Variants in SYT1 observed in about 807,000 individuals in gnomAD.
The protein encoded by SYT1 is synaptotagmin 1.
In SYT1, 8 loss-of-function variants were observed where a neutral mutation model predicts 44.8. The ratio of observed to expected loss-of-function variants is 0.18; its 90% CI spans 0.10 to 0.32. The LOEUF (loss-of-function observed/expected upper bound fraction) is 0.32. Ranked by LOEUF, SYT1 falls within the 10% of genes least tolerant of loss-of-function variation. SYT1 has a pLI of 1.00. For synonymous variants in SYT1, 154 were observed against 188.8 expected (o/e 0.82, Z 1.51); for missense variants, 286 against 509.3 (o/e 0.56, Z 4.22).
intron 1 of SYT1, among the ~76,000 whole-genome samples, chr12:78,949,406 T>C (rs778986845): frequency 6.6e-6 from 1 of 151,806 alleles, no homozygotes; most frequent in Non-Finnish European, 1.5e-5. Flanking sequence ...GAGTAAAATA[T>C]GTCTACTGGT....
chr12:79,248,377 G>T (rs1876978422), intron 4 of SYT1, among the ~76,000 whole-genome samples: 1 of 152,144 alleles, frequency 6.6e-6, no homozygotes, highest in African/African-American at 2.4e-5. Flanking sequence ...AACCTCTATT[G>T]TACCTGACAT....
chr12:79,047,029 A>G (rs1326959337), intron 2 of SYT1, among the ~76,000 whole-genome samples: 1 of 151,890 alleles, frequency 6.6e-6, no homozygotes, highest in Non-Finnish European at 1.5e-5. Flanking sequence ...TCAAATTAAA[A>G]CACTATAGAA....
chr12:79,377,025 A>G (rs1245103470), intron 9 of SYT1, among the ~76,000 whole-genome samples: 1 of 152,226 alleles, frequency 6.6e-6, no homozygotes, highest in African/African-American at 2.4e-5. Flanking sequence ...CATTCGTTCA[A>G]CAAGTATCTA....
chr12:78,876,686 T>C (rs759682865), intron 1 of SYT1, among the ~76,000 whole-genome samples: 1 of 123,932 alleles, frequency 8.1e-6, no homozygotes, highest in African/African-American at 3.0e-5. Flanking sequence ...TGTGTATATA[T>C]ACACACATGT....
chr12:79,300,792 TATATATATATATATATA>T (rs1880107021), intron 8 of SYT1, among the ~76,000 whole-genome samples: 2 of 74,890 alleles, frequency 2.7e-5, no homozygotes, highest in Non-Finnish European at 6.2e-5. Flanking sequence ...ATACTTATTA[TATATATATATATATATA>T]TATATATATA....
intron 8 of SYT1, among the ~76,000 whole-genome samples, chr12:79,314,987 G>A (rs11113670): frequency 0.38 from 57,203 of 151,954 alleles, 11,066 homozygotes; most frequent in East Asian, 0.58. Flanking sequence ...TAAGGTTAGG[G>A]TAGGAAATGG....
chr12:79,396,125 AG>A (rs1181913136), intron 9 of SYT1, among the ~76,000 whole-genome samples: 1 of 152,204 alleles, frequency 6.6e-6, no homozygotes, highest in African/African-American at 2.4e-5. Context: ...TGAGGTATTT[AG>A]TATGCTGACC....
intron 4 of SYT1, among the ~76,000 whole-genome samples, chr12:79,279,236 C>G (rs556457012): frequency 6.6e-6 from 1 of 151,880 alleles, no homozygotes; most frequent in Non-Finnish European, 1.5e-5. Flanking sequence ...AACATAGATG[C>G]AAAAATTCTC....
At chr12:79,402,165 G>A (rs1454121103) in intron 9 of SYT1, among the ~76,000 whole-genome samples, 5 of 152,058 alleles carry the variant, frequency 3.3e-5, no homozygotes, top group African/African-American at 4.8e-5. Context: ...TCCACCCATC[G>A]CAAGCTCAGA....
At chr12:79,011,310 A>G (rs1871390320) in intron 2 of SYT1, among the ~76,000 whole-genome samples, 1 of 152,196 alleles carries the variant, frequency 6.6e-6, no homozygotes, top group South Asian at 2.1e-4. Context: ...CCTTAAGTTT[A>G]CATACCAGCT....
chr12:79,028,424 G>A (rs545989662), intron 2 of SYT1, among the ~76,000 whole-genome samples: 3 of 151,490 alleles, frequency 2.0e-5, no homozygotes, highest in African/African-American at 7.2e-5. Context: ...TATTGATAGA[G>A]CTAAGTGCTA....
rs114385718 is a variant in SYT1, at chr12:78,915,970, T to C, written c.-217+50861T>C. Among the ~76,000 whole-genome samples the C allele has an allele frequency of 1.9e-3, 284 of 152,158 alleles. 2 individuals carry two copies. The highest frequency in any genetic ancestry group is 6.5e-3 in the African/African-American group (268 of 41,542). The stretch of plus-strand genomic sequence containing the variant: ...AAATGCTAACTTAAAATACCAGTAT[T>C]TAATTATGTTGTGTTGATAGGGATG... On this transcript the variant is annotated intron_variant, in intron 1 of 10. Coordinates refer to ENST00000261205, the MANE Select transcript of SYT1 (RefSeq NM_005639.3).
chr12:79,186,328 T>G (rs1872800115), intron 3 of SYT1, among the ~76,000 whole-genome samples: 1 of 152,026 alleles, frequency 6.6e-6, no homozygotes, highest in Admixed American at 6.6e-5. Flanking sequence ...AAAAGTATTC[T>G]TATACTATAC....
intron 5 of SYT1, among the ~76,000 whole-genome samples, 188 bp downstream of exon 5, chr12:79,286,159 A>G (rs1202438988): frequency 6.6e-6 from 1 of 152,174 alleles, no homozygotes; most frequent in African/African-American, 2.4e-5. Context: ...GGGTTTTCCA[A>G]TCTCCTGAGC....
At chr12:78,895,317 A>C (rs1016809826) in intron 1 of SYT1, among the ~76,000 whole-genome samples, 1 of 151,768 alleles carries the variant, frequency 6.6e-6, no homozygotes. Context: ...ATTAAATAAA[A>C]CAACCAAAAA....
chr12:78,962,171 C>T (rs912044018), intron 1 of SYT1, among the ~76,000 whole-genome samples: 1 of 152,062 alleles, frequency 6.6e-6, no homozygotes, highest in Admixed American at 6.6e-5. Flanking sequence ...TTGGGTCACT[C>T]AGCTAACTTA....
intron 3 of SYT1, among the ~76,000 whole-genome samples, chr12:79,080,610 A>T (rs1222932283): frequency 1.3e-5 from 2 of 152,190 alleles, no homozygotes; most frequent in Admixed American, 6.6e-5. Context: ...GGGGTTGAAT[A>T]TATAGGTTTT....
intron 1 of SYT1, among the ~76,000 whole-genome samples, chr12:78,920,231 T>C (rs1016994384): frequency 6.6e-6 from 1 of 152,048 alleles, no homozygotes; most frequent in Non-Finnish European, 1.5e-5. Context: ...AGTGATGACT[T>C]CTTACCAGAG....
chr12:79,253,307 G>C (rs1877326695), intron 4 of SYT1, among the ~76,000 whole-genome samples: 1 of 151,924 alleles, frequency 6.6e-6, no homozygotes, highest in Non-Finnish European at 1.5e-5. Context: ...TCACATTTTG[G>C]TAATTCTTGA....
Sources: allele counts gnomAD v4.1 joint callset (sites outside exome capture counted in the v4.1 genomes callset), GRCh38; gene constraint gnomAD v4.1.1; transcripts MANE v1.5; gene names NCBI Gene and HGNC (gene_info 2026-07-23, HGNC 2026-07-21).